The following NT5C2 variants were observed in gnomAD, a reference collection of about 807,000 sequenced individuals.
The protein encoded by NT5C2 is cytosolic purine 5'-nucleotidase.
NT5C2 carries 58 observed loss-of-function variants against 76.1 expected under a neutral mutation model. That is an observed-to-expected ratio of 0.76 (90% confidence interval 0.62 to 0.95). The LOEUF (loss-of-function observed/expected upper bound fraction) is 0.95. Ranked by LOEUF, NT5C2 falls within the 40% of genes least tolerant of loss-of-function variation. The pLI is 0.00. For missense variants in NT5C2, 478 were observed against 690.3 expected (o/e 0.69, Z 3.45); for synonymous variants, 229 against 237.4 (o/e 0.96, Z 0.32).
intron 3 of NT5C2, among the ~76,000 whole-genome samples, chr10:103,164,011 G>A (rs547817363): frequency 4.6e-5 from 7 of 152,192 alleles, no homozygotes; most frequent in African/African-American, 1.7e-4. Flanking sequence ...GTCCAAGGCA[G>A]GAGAACTGTT....
chr10:103,100,269 CA>C (rs1444189973), intron 8 of NT5C2, among the ~76,000 whole-genome samples: 1 of 152,088 alleles, frequency 6.6e-6, no homozygotes, highest in Non-Finnish European at 1.5e-5. Context: ...GCTAAAAGGC[CA>C]AAGTTCCAAA....
intron 3 of NT5C2, among the ~76,000 whole-genome samples, chr10:103,147,047 CTTCATTTTTCTTGAAA>C (rs1429961059): frequency 6.6e-6 from 1 of 152,148 alleles, no homozygotes; most frequent in Non-Finnish European, 1.5e-5. Context: ...CATTTTGTGT[CTTCATTTTTCTTGAAA>C]TTCATTTTTA....
At chr10:103,140,207 C>T (rs892669237) in intron 3 of NT5C2, 4 of 152,232 alleles carry the variant, frequency 2.6e-5, no homozygotes, top group African/African-American at 7.2e-5. Flanking sequence ...GCATGATCCA[C>T]CGCGCCTGGC....
chr10:103,131,730 G>A (rs2078206374), intron 4 of NT5C2, among the ~76,000 whole-genome samples: 1 of 152,194 alleles, frequency 6.6e-6, no homozygotes, highest in South Asian at 2.1e-4. Flanking sequence ...AGACCAGTCT[G>A]AGTGACATGG....
At chr10:103,163,298 G>T (rs1192389842) in intron 3 of NT5C2, among the ~76,000 whole-genome samples, 3 of 152,162 alleles carry the variant, frequency 2.0e-5, no homozygotes, top group Admixed American at 1.3e-4. Context: ...TAAATATCTA[G>T]GAGTGGGATT....
chr10:103,138,578 A>G (rs2079763591), intron 4 of NT5C2, among the ~76,000 whole-genome samples: 1 of 152,178 alleles, frequency 6.6e-6, no homozygotes, highest in Admixed American at 6.5e-5. Context: ...GATGGCTTCT[A>G]GCTTCATTCA....
Position 103,088,633 on chromosome 10 carries a change from T to C in NT5C2, c.*1039A>G. 6.0e-6 allele frequency: 1 copy of C among 167,156 alleles called. No homozygotes were observed. Among genetic ancestry groups the C allele is most frequent in the Non-Finnish European group, 1.3e-5 (1 of 76,598 alleles). 10.4% of individuals were successfully genotyped at this position (167,156 alleles called of 1,614,324 possible). ...AACTCCCGACCTCAGGTGATCCGCC[T>C]GTCTCGGCCTCCCAAAGTGCTGGGA... On this transcript the variant is annotated 3_prime_UTR_variant, in exon 19 of 19. Coordinates refer to ENST00000404739, the MANE Select transcript of NT5C2 (RefSeq NM_001351169.2).
chr10:103,140,810 T>C (rs2080272148), intron 3 of NT5C2, among the ~76,000 whole-genome samples: 2 of 152,272 alleles, frequency 1.3e-5, no homozygotes, highest in Admixed American at 6.5e-5. Context: ...TTCAAATACC[T>C]GTTAGCCATT....
chr10:103,133,360 C>T (rs889215288), intron 4 of NT5C2, among the ~76,000 whole-genome samples: 5 of 152,152 alleles, frequency 3.3e-5, no homozygotes, highest in African/African-American at 9.7e-5. Context: ...CTCCACCTCC[C>T]GGGTTCAAGT....
chr10:103,094,002 G>T lies in NT5C2; in HGVS notation c.958C>A (p.Pro320Thr), dbSNP rs746549118. ...GAGTAGACGATACCATGCTGTAGGG[G>T]CCCTGTGTAGGTACCAATTTTCAGC... Reference protein sequence around the residue: ...GKLKIGTYTGPLQHGIVYSGG... With the variant: ...GKLKIGTYTGTLQHGIVYSGG... Residue 320 changes from proline (P) to threonine (T), a missense_variant, in exon 14 of 19, where the codon CCC (proline) becomes ACC (threonine). Pro to Thr is a conservative substitution (Grantham distance 38). Coordinates refer to ENST00000404739, the MANE Select transcript of NT5C2 (RefSeq NM_001351169.2). 1 of 1,613,548 alleles carries T rather than the reference G, an allele frequency of 6.2e-7. No homozygotes were observed. The highest frequency in any genetic ancestry group is 1.3e-5 in the African/African-American group (1 of 74,866).
intron 2 of NT5C2, among the ~76,000 whole-genome samples, chr10:103,176,321 G>A (rs1245610858): frequency 6.6e-6 from 1 of 152,150 alleles, no homozygotes; most frequent in African/African-American, 2.4e-5. Context: ...GGTCACTGAT[G>A]TAAAATGCTC....
At position 103,109,080 on chromosome 10, in the gene NT5C2, C is replaced by T. The variant is rs143141149; in HGVS notation, c.176-2374G>A. Among the ~76,000 whole-genome samples, 744 of 152,186 alleles carry T rather than the reference C, an allele frequency of 4.9e-3. 1 individual carries two copies. Among genetic ancestry groups the T allele is most frequent in the African/African-American group, 0.017 (712 of 41,520 alleles). On this transcript the variant is annotated intron_variant, in intron 4 of 18. Coordinates refer to ENST00000404739, the MANE Select transcript of NT5C2 (RefSeq NM_001351169.2). ...GGCCAGGCTGGTCTCGAACTCCTGA[C>T]CTCAAGTGATCCGCCTGCCTCGGGC...
intron 3 of NT5C2, chr10:103,145,990 A>T (rs1162449549): frequency 3.4e-6 from 3 of 887,168 alleles, no homozygotes; most frequent in African/African-American, 3.6e-5. Context: ...TGTAAATAGC[A>T]ATCTTAATGG....
chr10:103,169,841 G>A (rs1236164532), intron 3 of NT5C2, among the ~76,000 whole-genome samples: 1 of 151,740 alleles, frequency 6.6e-6, no homozygotes, highest in African/African-American at 2.4e-5. Flanking sequence ...AAATTACCAA[G>A]CATGGCTAGG....
At chr10:103,145,970 T>A in intron 3 of NT5C2, 1 of 747,702 alleles carries the variant, frequency 1.3e-6, no homozygotes, top group Non-Finnish European at 1.6e-6. Flanking sequence ...ATTTATTAAA[T>A]TTGAAATTTT....
At chr10:103,132,928 T>C (rs2078493925) in intron 4 of NT5C2, among the ~76,000 whole-genome samples, 1 of 151,988 alleles carries the variant, frequency 6.6e-6, no homozygotes, top group South Asian at 2.1e-4. Flanking sequence ...GACACAACAA[T>C]GTGAATGAAT....
chr10:103,147,136 CACAG>C (rs1365166797), intron 3 of NT5C2, among the ~76,000 whole-genome samples: 5 of 152,192 alleles, frequency 3.3e-5, no homozygotes, highest in African/African-American at 9.7e-5. Context: ...GGTCCTCCCT[CACAG>C]ACAGTTTGAG....
At chr10:103,127,069 G>A (rs1380243325) in intron 4 of NT5C2, among the ~76,000 whole-genome samples, 2 of 152,150 alleles carry the variant, frequency 1.3e-5, no homozygotes, top group African/African-American at 2.4e-5. Flanking sequence ...CTCAGCCAGT[G>A]GGGAGAGTTG....
intron 8 of NT5C2, among the ~76,000 whole-genome samples, chr10:103,100,512 G>C (rs1590778825): frequency 1.3e-5 from 2 of 152,290 alleles, no homozygotes; most frequent in East Asian, 1.9e-4. Context: ...CTGGTATATA[G>C]ATGGCTAAAC....
Sources: gnomAD v4.1 joint callset for allele counts (sites outside exome capture counted in the v4.1 genomes callset) on GRCh38, gnomAD v4.1.1 for gene constraint, MANE v1.5 for transcripts, NCBI Gene and HGNC (gene_info 2026-07-23, HGNC 2026-07-21) for gene names.